Variants in TMEM39B observed in about 807,000 individuals in gnomAD.
TMEM39B encodes the protein transmembrane protein 39B.
A neutral mutation model predicts 52.2 loss-of-function variants in TMEM39B; 23 were observed. The observed-to-expected ratio is 0.44, with a 90% CI of 0.32 to 0.62. TMEM39B has a LOEUF of 0.62. Ranked by LOEUF, TMEM39B falls within the 20% of genes least tolerant of loss-of-function variation. The pLI is 0.06. For missense variants in TMEM39B, 547 were observed against 642.0 expected, an observed-to-expected ratio of 0.85 and a Z score of 1.60; for synonymous variants, 285 against 264.0, an observed-to-expected ratio of 1.08 and a Z score of -0.77.
intron 5 of TMEM39B, among the ~76,000 whole-genome samples, chr1:32,086,267 C>A (rs74064029): frequency 6.5e-4 from 99 of 152,244 alleles, no homozygotes; most frequent in African/African-American, 2.4e-3. Context: ...GTGCCCACTT[C>A]AAGGCAGAGT....
chr1:32,075,865 CGTGTGTGT>C (rs1324202548), intron 3 of TMEM39B, 43 bp downstream of exon 3: 4 of 828,250 alleles, frequency 4.8e-6, no homozygotes, highest in African/African-American at 1.9e-5. Flanking sequence ...TGTGTGTGTG[CGTGTGTGT>C]GTATGTGTGT....
chr1:32,076,985 A>G, intron 4 of TMEM39B, 139 bp downstream of exon 4: 2 of 1,268,596 alleles, frequency 1.6e-6, no homozygotes, highest in South Asian at 1.3e-5. Context: ...AACATTAGTT[A>G]CATCCCATCT....
At chr1:32,090,459 AT>A (rs950057538) in intron 5 of TMEM39B, among the ~76,000 whole-genome samples, 55 of 147,110 alleles carry the variant, frequency 3.7e-4, no homozygotes, top group African/African-American at 5.7e-4. Context: ...TTGTGCGTGT[AT>A]TTTTTTTTTT....
intron 5 of TMEM39B, among the ~76,000 whole-genome samples, chr1:32,081,190 ATTTGTTTGTTTG>A (rs113300673): frequency 2.0e-5 from 3 of 149,958 alleles, no homozygotes; most frequent in South Asian, 2.1e-4. Flanking sequence ...GGGTTTTTTT[ATTTGTTTGTTTG>A]TTTGTTTGTT....
intron 5 of TMEM39B, among the ~76,000 whole-genome samples, chr1:32,087,319 C>CAAAAAA (rs1207083221): frequency 2.1e-4 from 6 of 28,990 alleles, no homozygotes; most frequent in East Asian, 9.6e-4. Flanking sequence ...CTCCGTCTCA[C>CAAAAAA]AAAAAAAAAA....
At chr1:32,075,465 C>A in intron 2 of TMEM39B, 138 bp from the exon 3 acceptor site, 1 of 877,400 alleles carries the variant, frequency 1.1e-6, no homozygotes, top group Non-Finnish European at 1.7e-6. Flanking sequence ...GTTCCTTTGT[C>A]TGACAAGCAG....
chr1:32,096,451 C>CTAT (rs1243569868), intron 7 of TMEM39B, among the ~76,000 whole-genome samples: 18 of 105,016 alleles, frequency 1.7e-4, no homozygotes, highest in Admixed American at 6.1e-4. Flanking sequence ...CTCCTCTGGC[C>CTAT]TTTTTTTTTT....
In TMEM39B at chr1:32,102,628, A is replaced by T. The variant is rs776438145; in HGVS notation, c.1434A>T (p.Ser478=). Residue 478 remains serine (S), a synonymous_variant, in exon 9 of 9, where the codon TCA becomes TCT. Transcript: ENST00000336294. ...GCTTGGTATTGGGCAAGGCCTACTCATACTCTGCTAGCCCCCAGAGAGACC... is the reference window on the plus strand; with the variant it reads ...GCTTGGTATTGGGCAAGGCCTACTCTTACTCTGCTAGCCCCCAGAGAGACC... ...RDRLVLGKAY[S]YSASPQRDLD... 1.4e-4 allele frequency: 220 copies of T among 1,610,316 alleles called. No homozygotes were observed. Among genetic ancestry groups the T allele is most frequent in the Non-Finnish European group, 1.8e-4 (213 of 1,177,902 alleles).
Position 32,102,848 on chromosome 1 carries a change from A to G in TMEM39B, c.*175A>G. The G allele has an allele frequency of 3.0e-6, 2 of 670,354 alleles. No individual in the cohort carries two copies. The highest frequency in any genetic ancestry group is 4.4e-6 in the Non-Finnish European group (2 of 451,144). 41.5% of individuals were successfully genotyped at this position (670,354 alleles called of 1,614,324 possible). ...TTGATGTGATAAGGAAAAAAGTCCT[A>G]TTTTTATACTCCCAACAAGCCTGTG... On this transcript the variant is annotated 3_prime_UTR_variant, in exon 9 of 9. Transcript: ENST00000336294.
intron 1 of TMEM39B, chr1:32,073,826 C>T: frequency 1.0e-6 from 1 of 985,266 alleles, no homozygotes; most frequent in Non-Finnish European, 1.2e-6. Flanking sequence ...TGAGATGCTA[C>T]GGCGTGGGGT....
intron 5 of TMEM39B, among the ~76,000 whole-genome samples, chr1:32,084,909 T>G (rs944948424): frequency 6.6e-6 from 1 of 152,134 alleles, no homozygotes; most frequent in Non-Finnish European, 1.5e-5. Context: ...TCAGAACTTT[T>G]GCAGTTATTA....
rs762860783 is a variant in TMEM39B, at chr1:32,091,888, C to T, written c.804C>T (p.Pro268=). The T allele has an allele frequency of 6.2e-7, 1 of 1,614,234 alleles. No homozygotes were observed. Among genetic ancestry groups the T allele is most frequent in the South Asian group, 1.1e-5 (1 of 91,084 alleles). The stretch of plus-strand genomic sequence containing the variant: ...CCACCCATGCCTGCTGCCTGTCACC[C>T]AGCCTCATCCGCAGTGAGGTGGAGT... ...AMPTHACCLS[P]SLIRSEVEFL... Residue 268 remains proline, a synonymous_variant, in exon 6 of 9, where the codon CCC becomes CCT. Transcript: ENST00000336294.
chr1:32,072,999 T>C lies in TMEM39B; in HGVS notation c.-49T>C, dbSNP rs1223028890. Reference sequence around the variant, plus strand: ...CCCGGCCGCCGTCGCCTCCGACATATTGCCCGCAGGAGCTGCGGCGGCGAA... The same window carrying C: ...CCCGGCCGCCGTCGCCTCCGACATACTGCCCGCAGGAGCTGCGGCGGCGAA... On this transcript the variant is annotated 5_prime_UTR_variant, in exon 1 of 9. Transcript: ENST00000336294. 7 of 1,533,122 alleles carry C rather than the reference T, an allele frequency of 4.6e-6. No individual in the cohort carries two copies. Among genetic ancestry groups the C allele is most frequent in the African/African-American group, 1.4e-5 (1 of 71,242 alleles). 95.0% of individuals were successfully genotyped at this position (1,533,122 alleles called of 1,614,324 possible). A position where few individuals can be genotyped will look rare whatever the true frequency, so the allele number is the denominator to read the frequency against.
At chr1:32,079,017 A>G (rs916469920) in intron 5 of TMEM39B, among the ~76,000 whole-genome samples, 2 of 151,862 alleles carry the variant, frequency 1.3e-5, no homozygotes, top group Admixed American at 1.3e-4. Context: ...TCACTTAATC[A>G]TATAACAGAT....
intron 1 of TMEM39B, chr1:32,073,293 G>T (rs1639714538): frequency 7.9e-6 from 4 of 508,618 alleles, no homozygotes; most frequent in Admixed American, 4.2e-5. Flanking sequence ...TTGGGCTTTC[G>T]TGAGGACCAG....
chr1:32,075,772 A>C lies in TMEM39B; in HGVS notation c.301A>C (p.Lys101Gln). 6.5e-7 allele frequency: 1 copy of C among 1,547,036 alleles called. No individual in the cohort carries two copies. Among genetic ancestry groups the C allele is most frequent in the Non-Finnish European group, 8.7e-7 (1 of 1,143,352 alleles). The stretch of plus-strand genomic sequence containing the variant: ...CTTCGTCCACTACATCAACATCTAC[A>C]AGACAGTGTGGTGGTATCCACCTTC... Reference protein sequence around the residue: ...ALFVHYINIYKTVWWYPPSHP... With the variant: ...ALFVHYINIYQTVWWYPPSHP... Residue 101 changes from lysine (K) to glutamine (Q), a missense_variant, in exon 3 of 9, where the codon AAG (lysine) becomes CAG (glutamine). Coordinates refer to ENST00000336294, the MANE Select transcript of TMEM39B (RefSeq NM_018056.4).
chr1:32,078,977 C>T (rs1639979387), intron 5 of TMEM39B, among the ~76,000 whole-genome samples: 1 of 151,984 alleles, frequency 6.6e-6, no homozygotes, highest in Non-Finnish European at 1.5e-5. Flanking sequence ...TGGTATTATG[C>T]TATGCATGAT....
intron 1 of TMEM39B, among the ~76,000 whole-genome samples, chr1:32,074,582 A>G (rs926801254): frequency 6.6e-6 from 1 of 152,202 alleles, no homozygotes; most frequent in African/African-American, 2.4e-5. Context: ...CAGAGAGTGA[A>G]TTCTGGTGGA....
In TMEM39B at chr1:32,100,447, C is replaced by T. The variant is rs1357098099; in HGVS notation, c.1121C>T (p.Thr374Ile). 6.3e-7 allele frequency: 1 copy of T among 1,593,022 alleles called. No individual in the cohort carries two copies. The highest frequency in any genetic ancestry group is 8.5e-7 in the Non-Finnish European group (1 of 1,169,696). Residue 374 changes from threonine to isoleucine, a missense_variant, in exon 8 of 9, where the codon ACT (threonine) becomes ATT (isoleucine). Transcript: ENST00000336294. ...LCSNVLQHPW[T>I]EECMWPQGVL... ...CCATTGAACTGTGCCCCCAGGTGGA[C>T]TGAAGAATGCATGTGGCCGCAGGGC...
Sources: gnomAD v4.1 joint callset for allele counts (sites outside exome capture counted in the v4.1 genomes callset) on GRCh38, gnomAD v4.1.1 for gene constraint, MANE v1.5 for transcripts, NCBI Gene and HGNC (gene_info 2026-07-23, HGNC 2026-07-21) for gene names.